Variants in CCDC171 observed in about 807,000 individuals in gnomAD.
CCDC171 encodes the protein coiled-coil domain-containing protein 171.
Under a neutral mutation model 168.2 loss-of-function variants are expected in CCDC171, and 177 were observed. The ratio of observed to expected loss-of-function variants is 1.05; its 90% CI spans 0.93 to 1.19. The LOEUF (loss-of-function observed/expected upper bound fraction) is 1.19, where lower values mean the gene tolerates loss of function less well. Among genes scored for constraint, CCDC171 ranks in the 50% most tolerant of loss-of-function variants. The pLI is 0.00. For missense variants in CCDC171, 1,991 were observed against 1,539.0 expected (o/e 1.29, Z -4.91); for synonymous variants, 687 against 540.8 (o/e 1.27, Z -3.75).
At chr9:15,915,053 G>T (rs1030276139) in intron 24 of CCDC171, among the ~76,000 whole-genome samples, 1 of 152,096 alleles carries the variant, frequency 6.6e-6, no homozygotes, top group Non-Finnish European at 1.5e-5. Context: ...TTCTGCATTG[G>T]TCTTGCTGGG....
chr9:15,847,921 C>G (rs1021427692), intron 22 of CCDC171, among the ~76,000 whole-genome samples: 2 of 151,946 alleles, frequency 1.3e-5, no homozygotes, highest in Non-Finnish European at 2.9e-5. Context: ...AATTGTAAAG[C>G]TATGTAACAT....
chr9:15,663,608 CTTTTTTTTTTTT>C lies in CCDC171; in HGVS notation c.916-2551_916-2540del, dbSNP rs56022914. Among the ~76,000 whole-genome samples the C allele has an allele frequency of 6.5e-5, 8 of 123,236 alleles. No homozygotes were observed. In the East Asian group the frequency reaches 1.9e-3, roughly 29 times the overall value. 80.8% of individuals were successfully genotyped at this position (123,236 alleles called of 152,430 possible). A position where few individuals can be genotyped will look rare whatever the true frequency, so the allele number is the denominator to read the frequency against. On this transcript the variant is annotated intron_variant, in intron 8 of 25. Coordinates refer to ENST00000380701, the MANE Select transcript of CCDC171 (RefSeq NM_173550.4). ...TACATAGAGAATTTTCTTTTTTTTTCTTTTTTTTTTTTTTTGAGAGGGAGTATCGCTCTGTCA... is the reference window on the plus strand; with the variant it reads ...TACATAGAGAATTTTCTTTTTTTTTCTTTGAGAGGGAGTATCGCTCTGTCA...
chr9:15,641,475 C>G (rs1242878322), intron 7 of CCDC171, among the ~76,000 whole-genome samples: 2 of 152,154 alleles, frequency 1.3e-5, no homozygotes, highest in Non-Finnish European at 2.9e-5. Flanking sequence ...GTTTTCATAA[C>G]TTTTGTGAAA....
chr9:15,890,475 G>A (rs1820061785), intron 24 of CCDC171, among the ~76,000 whole-genome samples: 2 of 151,650 alleles, frequency 1.3e-5, no homozygotes, highest in Admixed American at 6.6e-5. Flanking sequence ...CAGCAGTGAA[G>A]TCTATAGGAT....
intron 24 of CCDC171, among the ~76,000 whole-genome samples, chr9:15,887,086 T>C (rs763859353): frequency 3.3e-5 from 5 of 152,082 alleles, no homozygotes; most frequent in Admixed American, 6.6e-5. Flanking sequence ...TACTTGAAAT[T>C]TGCTAAGAGA....
intron 18 of CCDC171, among the ~76,000 whole-genome samples, chr9:15,765,759 G>A (rs746277525): frequency 6.6e-5 from 10 of 152,068 alleles, no homozygotes; most frequent in Non-Finnish European, 8.8e-5. Flanking sequence ...TAATCAGGGT[G>A]GGGGTTTGCC....
intron 2 of CCDC171, among the ~76,000 whole-genome samples, chr9:15,571,245 T>A (rs1242446162): frequency 6.6e-6 from 1 of 152,204 alleles, no homozygotes; most frequent in Non-Finnish European, 1.5e-5. Context: ...AGTCTGACAT[T>A]TTTCTTTTTG....
Position 15,889,369 on chromosome 9 carries a change from T to G in CCDC171, c.3600+14706T>G, listed in dbSNP as rs571272822. Among the ~76,000 whole-genome samples, 84 of 152,298 alleles carry G rather than the reference T, an allele frequency of 5.5e-4. 2 individuals carry two copies. In the South Asian group the frequency reaches 0.017, roughly 31 times the overall value. ...TATGCAAAGGACATATACTGTTGTTTCCATGCATTGTGTCAATGCAATCAA... is the reference window on the plus strand; with the variant it reads ...TATGCAAAGGACATATACTGTTGTTGCCATGCATTGTGTCAATGCAATCAA... On this transcript the variant is annotated intron_variant, in intron 24 of 25. Transcript: ENST00000380701.
chr9:15,728,543 AACTC>A (rs925373967), intron 15 of CCDC171, among the ~76,000 whole-genome samples: 54 of 152,288 alleles, frequency 3.5e-4, no homozygotes, highest in African/African-American at 1.3e-3. Flanking sequence ...TATATTAGAA[AACTC>A]ACTCCATGCT....
intron 7 of CCDC171, among the ~76,000 whole-genome samples, chr9:15,651,630 A>G (rs938458073): frequency 3.3e-5 from 5 of 152,050 alleles, no homozygotes; most frequent in Non-Finnish European, 5.9e-5. Flanking sequence ...GGCTTATTTT[A>G]CTTAACATAA....
At chr9:15,911,008 G>T (rs1589098047) in intron 24 of CCDC171, among the ~76,000 whole-genome samples, 2 of 152,166 alleles carry the variant, frequency 1.3e-5, no homozygotes, top group Admixed American at 1.3e-4. Flanking sequence ...GTAAACATAT[G>T]TGTGCGTGTG....
intron 24 of CCDC171, among the ~76,000 whole-genome samples, chr9:15,887,639 A>G: frequency 6.6e-6 from 1 of 152,168 alleles, no homozygotes; most frequent in Non-Finnish European, 1.5e-5. Context: ...CCAAAACCCA[A>G]ATCAACTCTT....
intron 21 of CCDC171, among the ~76,000 whole-genome samples, chr9:15,838,684 A>C (rs1454072177): frequency 6.6e-6 from 1 of 152,166 alleles, no homozygotes; most frequent in Non-Finnish European, 1.5e-5. Flanking sequence ...TGCCCACCTC[A>C]GCCGCCCAAA....
chr9:15,555,264 T>C (rs1257439987), intron 1 of CCDC171, among the ~76,000 whole-genome samples: 2 of 152,130 alleles, frequency 1.3e-5, no homozygotes, highest in African/African-American at 4.8e-5. Flanking sequence ...TTAGTTCAAC[T>C]CCACTATCAA....
At chr9:16,040,130 C>A (rs1227685006), upstream of CCDC171, among the ~76,000 whole-genome samples, 1 of 152,178 alleles carries the variant, frequency 6.6e-6, no homozygotes, top group Non-Finnish European at 1.5e-5. Context: ...GTTACCCCCT[C>A]ACTCCACAGT....
At chr9:15,759,747 GTCATAACT>G in intron 18 of CCDC171, among the ~76,000 whole-genome samples, 2 of 152,198 alleles carry the variant, frequency 1.3e-5, no homozygotes, top group East Asian at 3.9e-4. Context: ...ATGATACAGT[GTCATAACT>G]TCATTTTTAA....
chr9:15,924,620 G>A (rs1825703127), intron 25 of CCDC171, among the ~76,000 whole-genome samples: 1 of 151,364 alleles, frequency 6.6e-6, no homozygotes, highest in South Asian at 2.1e-4. Context: ...ATCACCATTA[G>A]CATATTCCAG....
At chr9:15,619,855 T>G (rs544290843) in intron 6 of CCDC171, among the ~76,000 whole-genome samples, 1 of 152,136 alleles carries the variant, frequency 6.6e-6, no homozygotes, top group Admixed American at 6.5e-5. Context: ...TGCTGGTGAG[T>G]TTAAGTTGAA....
rs186116829 is a variant in CCDC171, at chr9:15,960,680, G to T, written c.3754-10929G>T. 3.3e-5 allele frequency among the ~76,000 whole-genome samples: 5 copies of T among 152,246 alleles called. No individual in the cohort carries two copies. In the East Asian group the frequency reaches 9.6e-4, roughly 29 times the overall value. ...AATGTCATTGCCAACTAAGTGATTT[G>T]TTTTAGAACATGTGCCCCAGTGCTT... On this transcript the variant is annotated intron_variant, in intron 25 of 25. Coordinates refer to ENST00000380701, the MANE Select transcript of CCDC171 (RefSeq NM_173550.4).
Sources: gnomAD v4.1 joint callset for allele counts (sites outside exome capture counted in the v4.1 genomes callset) on GRCh38, gnomAD v4.1.1 for gene constraint, MANE v1.5 for transcripts, NCBI Gene and HGNC (gene_info 2026-07-23, HGNC 2026-07-21) for gene names.